ETV6: variants seen among roughly 807,000 people sequenced by gnomAD.
ETV6 encodes the protein transcription factor ETV6.
In ETV6, 16 loss-of-function variants were observed where a neutral mutation model predicts 51.1. That is an observed-to-expected ratio of 0.31 (90% CI 0.21 to 0.48). The LOEUF (loss-of-function observed/expected upper bound fraction) is 0.48. Among genes scored for constraint, ETV6 ranks in the 20% least tolerant of loss-of-function variants. The probability of loss-of-function intolerance (pLI) is 0.99; values close to 1 mark genes in which losing one functional copy is unlikely to be tolerated. For missense variants in ETV6, 458 were observed against 594.8 expected, an observed-to-expected ratio of 0.77 and a Z score of 2.39; for synonymous variants, 240 against 224.1, an observed-to-expected ratio of 1.07 and a Z score of -0.64.
intron 2 of ETV6, among the ~76,000 whole-genome samples, chr12:11,797,528 G>A (rs1229816918): frequency 2.6e-5 from 4 of 152,208 alleles, no homozygotes; most frequent in African/African-American, 9.7e-5. Context: ...ACAGAGCTGG[G>A]TAGGAACCAA....
chr12:11,737,685 C>T (rs547145557), intron 1 of ETV6, among the ~76,000 whole-genome samples: 5 of 152,296 alleles, frequency 3.3e-5, no homozygotes, highest in African/African-American at 4.8e-5. Context: ...GAAGCAGCAT[C>T]GGTCTTTGAA....
chr12:11,783,206 G>C (rs1272619493), intron 2 of ETV6, among the ~76,000 whole-genome samples: 1 of 152,078 alleles, frequency 6.6e-6, no homozygotes, highest in Non-Finnish European at 1.5e-5. Context: ...AAGACGAGAA[G>C]GAAGAGCCTA....
rs1947290791 is a variant in ETV6, at chr12:11,891,748, G to A, written c.*702G>A. ...GCCTTCTGACAGAGTTCAGCCTCTT[G>A]GAGAGTCTTGGGGATTGTTGGCACC... On this transcript the variant is annotated 3_prime_UTR_variant, in exon 8 of 8. Transcript: ENST00000396373. 1 of 407,940 alleles carries A rather than the reference G, an allele frequency of 2.5e-6. No homozygotes were observed. Among genetic ancestry groups the A allele is most frequent in the Non-Finnish European group, 4.7e-6 (1 of 213,050 alleles). 25.3% of individuals were successfully genotyped at this position (407,940 alleles called of 1,614,324 possible).
chr12:11,879,008 T>C (rs1396502729), intron 5 of ETV6, among the ~76,000 whole-genome samples: 6 of 152,164 alleles, frequency 3.9e-5, no homozygotes, highest in African/African-American at 1.4e-4. Context: ...AGGAGCACCC[T>C]GCACCCCAGT....
At chr12:11,839,850 AG>A (rs796174535) in intron 3 of ETV6, among the ~76,000 whole-genome samples, 24 of 152,370 alleles carry the variant, frequency 1.6e-4, no homozygotes, top group African/African-American at 5.8e-4. Flanking sequence ...ACTGCACTCC[AG>A]CCCAGGTGAC....
At position 11,893,839 on chromosome 12, in the gene ETV6, TATAC is replaced by T. The variant is rs1215672019; in HGVS notation, c.*2795_*2798del. The T allele has an allele frequency of 5.3e-3, 273 of 51,304 alleles. 12 individuals are homozygous for T. Among genetic ancestry groups the T allele is most frequent in the Admixed American group, 0.01 (43 of 4,156 alleles). 3.2% of individuals were successfully genotyped at this position (51,304 alleles called of 1,614,324 possible). On this transcript the variant is annotated 3_prime_UTR_variant, in exon 8 of 8. Coordinates refer to ENST00000396373, the MANE Select transcript of ETV6 (RefSeq NM_001987.5). ...ATATATATATATATATATATATATATATACACACACACACACATACACAAATATT... is the reference window on the plus strand; with the variant it reads ...ATATATATATATATATATATATATATACACACACACACATACACAAATATT...
At chr12:11,888,811 C>T (rs1947244957) in intron 7 of ETV6, among the ~76,000 whole-genome samples, 1 of 152,174 alleles carries the variant, frequency 6.6e-6, no homozygotes, top group Admixed American at 6.6e-5. Context: ...AAGCCATCCT[C>T]CTGCCTCAGC....
Position 11,768,185 on chromosome 12 carries a change from A to G in ETV6, c.163+15606A>G, listed in dbSNP as rs73290524. 1.0e-2 allele frequency among the ~76,000 whole-genome samples: 1,508 copies of G among 151,270 alleles called. 17 individuals are homozygous for G. The highest frequency in any genetic ancestry group is 0.034 in the African/African-American group (1,404 of 41,152). On this transcript the variant is annotated intron_variant, in intron 2 of 7. Transcript: ENST00000396373. Reference sequence around the variant, plus strand: ...AGGACTGCTGCATTATTGTTCCTCTATCTTTCCGTTTGTATTAGTAAAGAA... The same window carrying G: ...AGGACTGCTGCATTATTGTTCCTCTGTCTTTCCGTTTGTATTAGTAAAGAA...
intron 2 of ETV6, among the ~76,000 whole-genome samples, chr12:11,824,121 C>CA (rs1308520632): frequency 6.6e-6 from 1 of 152,226 alleles, no homozygotes; most frequent in Non-Finnish European, 1.5e-5. Flanking sequence ...TCTTCAGTGA[C>CA]AGAGTCTGGG....
chr12:11,762,037 C>T (rs1400745607), intron 2 of ETV6, among the ~76,000 whole-genome samples: 2 of 152,196 alleles, frequency 1.3e-5, no homozygotes, highest in African/African-American at 4.8e-5. Context: ...AGCCCTCCTG[C>T]AAGGAAATAG....
chr12:11,832,869 A>G (rs1565543698), intron 2 of ETV6, among the ~76,000 whole-genome samples: 1 of 152,224 alleles, frequency 6.6e-6, no homozygotes, highest in Non-Finnish European at 1.5e-5. Flanking sequence ...GTCCAAAAGG[A>G]GGTGACTGGT....
chr12:11,862,514 G>C (rs1328123525), intron 4 of ETV6, among the ~76,000 whole-genome samples: 1 of 152,318 alleles, frequency 6.6e-6, no homozygotes, highest in Middle Eastern at 3.4e-3. Flanking sequence ...TTCCTTCTGA[G>C]AGAGCTGTGA....
At chr12:11,804,867 T>C (rs1398702740) in intron 2 of ETV6, among the ~76,000 whole-genome samples, 2 of 152,176 alleles carry the variant, frequency 1.3e-5, no homozygotes, top group African/African-American at 4.8e-5. Context: ...TCCAGAGTCT[T>C]TTCTTTTGGG....
chr12:11,890,899 G>A, intron 7 of ETV6, 42 bp from the exon 8 acceptor site: 1 of 1,496,522 alleles, frequency 6.7e-7, no homozygotes, highest in Non-Finnish European at 9.3e-7. Context: ...GACAGCTTTA[G>A]GAAAATGGAA....
In ETV6 at chr12:11,893,833, TATATATATACAC is replaced by T. The variant is rs1390874513; in HGVS notation, c.*2789_*2800del. ...ATATATATATATATATATATATATATATATATATACACACACACACACATACACAAATATTCC... is the reference window on the plus strand; with the variant it reads ...ATATATATATATATATATATATATATACACACACACATACACAAATATTCC... On this transcript the variant is annotated 3_prime_UTR_variant, in exon 8 of 8. Transcript: ENST00000396373. 15 of 56,712 alleles carry T rather than the reference TATATATATACAC, an allele frequency of 2.6e-4. 1 individual carries two copies. Among genetic ancestry groups the T allele is most frequent in the Non-Finnish European group, 3.9e-4 (11 of 28,328 alleles). 3.5% of individuals were successfully genotyped at this position (56,712 alleles called of 1,614,324 possible).
chr12:11,751,212 G>A (rs1425295885), intron 1 of ETV6, among the ~76,000 whole-genome samples: 1 of 152,182 alleles, frequency 6.6e-6, no homozygotes, highest in Non-Finnish European at 1.5e-5. Flanking sequence ...GCTTTAATTT[G>A]GTTATAGGCC....
rs192627043 is a variant in ETV6 at position 11,737,520 on chromosome 12, T to G, written c.34-14930T>G. Among the ~76,000 whole-genome samples, 87 of 152,344 alleles carry G rather than the reference T, an allele frequency of 5.7e-4. 1 individual carries two copies. The highest frequency in any genetic ancestry group is 2.1e-3 in the African/African-American group (87 of 41,586). Reference sequence around the variant, plus strand: ...AGATGAGACACGTTAGAGGCAAGCCTCTGAAAATTAGATTGATTTATTTTT... The same window carrying G: ...AGATGAGACACGTTAGAGGCAAGCCGCTGAAAATTAGATTGATTTATTTTT... On this transcript the variant is annotated intron_variant, in intron 1 of 7. Coordinates refer to ENST00000396373, the MANE Select transcript of ETV6 (RefSeq NM_001987.5).
At chr12:11,788,920 A>G (rs1047114740) in intron 2 of ETV6, among the ~76,000 whole-genome samples, 2 of 152,048 alleles carry the variant, frequency 1.3e-5, no homozygotes, top group African/African-American at 2.4e-5. Flanking sequence ...AAGATTATAT[A>G]AGTGCCATTT....
intron 3 of ETV6, among the ~76,000 whole-genome samples, chr12:11,847,321 T>G (rs1055239898): frequency 6.6e-6 from 1 of 152,150 alleles, no homozygotes; most frequent in Non-Finnish European, 1.5e-5. Context: ...AAATGTGTGG[T>G]GCCTATATGA....
Sources: gnomAD v4.1 joint callset for allele counts (sites outside exome capture counted in the v4.1 genomes callset) on GRCh38, gnomAD v4.1.1 for gene constraint, MANE v1.5 for transcripts, NCBI Gene and HGNC (gene_info 2026-07-23, HGNC 2026-07-21) for gene names.